SORCS2: variants seen among roughly 807,000 people sequenced by gnomAD.
SORCS2 encodes the protein sortilin related VPS10 domain containing receptor 2, also known as VPS10 domain-containing receptor SorCS2.
SORCS2 carries 100 observed loss-of-function variants against 141.6 expected under a neutral mutation model. The ratio of observed to expected loss-of-function variants is 0.71; its 90% confidence interval spans 0.60 to 0.83. The LOEUF (loss-of-function observed/expected upper bound fraction) is 0.83, where lower values mean the gene tolerates loss of function less well. SORCS2 is among the 40% of genes least tolerant of loss of function. SORCS2 has a pLI of 0.00. For missense variants in SORCS2, 1,646 were observed against 1,560.2 expected (o/e 1.05, Z -0.93); for synonymous variants, 789 against 676.9 (o/e 1.17, Z -2.57).
intron 2 of SORCS2, among the ~76,000 whole-genome samples, chr4:7,510,080 T>C (rs371602450): frequency 4.3e-4 from 66 of 152,384 alleles, no homozygotes; most frequent in African/African-American, 1.5e-3. Flanking sequence ...ATTTGCCTCG[T>C]TAGAATGGAC....
Position 7,619,423 on chromosome 4 carries a change from C to T in SORCS2, c.649-18905C>T, listed in dbSNP as rs530312561. Among the ~76,000 whole-genome samples the T allele has an allele frequency of 1.0e-3, 152 of 152,308 alleles. 1 individual carries two copies. In the Middle Eastern group the frequency reaches 0.02, roughly 20 times the overall value. ...GGAGCGTGGCTTCCCCAGACATTTC[C>T]CTTAAAACAGTCCGGAAGCTTCTGG... is the stretch of plus-strand genomic sequence containing the variant. On this transcript the variant is annotated intron_variant, in intron 3 of 26. Transcript: ENST00000507866.
At chr4:7,304,975 A>G (rs1377353083) in intron 1 of SORCS2, among the ~76,000 whole-genome samples, 3 of 151,410 alleles carry the variant, frequency 2.0e-5, no homozygotes, top group Admixed American at 2.0e-4. Flanking sequence ...GCGGGGTGAC[A>G]CCACCCTTGC....
At position 7,737,073 on chromosome 4, in the gene SORCS2, C is replaced by T. The variant is rs556110209; in HGVS notation, c.3316C>T (p.Arg1106Trp). 116 of 1,551,140 alleles carry T rather than the reference C, an allele frequency of 7.5e-5. No homozygotes were observed. Among genetic ancestry groups the T allele is most frequent in the Non-Finnish European group, 9.0e-5 (103 of 1,146,882 alleles). ...AFILYKFKRK[R>W]PGRTVYAQMH... ...GCCCTTGCCTCTGTCCAGCAGGAAA[C>T]GGCCAGGCAGGACCGTGTACGCCCA... Residue 1106 changes from arginine to tryptophan, a missense_variant, in exon 26 of 27, where the codon CGG becomes TGG. Physicochemically the swap from Arg to Trp is moderately radical, Grantham distance 101. Transcript: ENST00000507866.
At chr4:7,481,987 CACT>C (rs1475440267) in intron 2 of SORCS2, among the ~76,000 whole-genome samples, 52 of 110,786 alleles carry the variant, frequency 4.7e-4, no homozygotes, top group East Asian at 1.2e-3. Context: ...CCTGTATCCC[CACT>C]GCGGACACCC....
intron 3 of SORCS2, among the ~76,000 whole-genome samples, chr4:7,605,517 G>T (rs979487889): frequency 2.6e-5 from 4 of 152,080 alleles, no homozygotes; most frequent in African/African-American, 9.7e-5. Context: ...TTGGGGTTTT[G>T]GTCTCCAAAG....
At chr4:7,571,811 A>G (rs1295100390) in intron 3 of SORCS2, among the ~76,000 whole-genome samples, 1 of 152,228 alleles carries the variant, frequency 6.6e-6, no homozygotes, top group Non-Finnish European at 1.5e-5. Flanking sequence ...GATTATCATC[A>G]GCGATGAAAA....
At chr4:7,280,699 T>A (rs1715819358) in intron 1 of SORCS2, among the ~76,000 whole-genome samples, 1 of 152,230 alleles carries the variant, frequency 6.6e-6, no homozygotes, top group Admixed American at 6.5e-5. Flanking sequence ...TTGCTCCGCA[T>A]CCTCGCCAGC....
intron 1 of SORCS2, among the ~76,000 whole-genome samples, chr4:7,265,921 G>A (rs968675827): frequency 3.3e-5 from 5 of 152,074 alleles, no homozygotes; most frequent in African/African-American, 1.2e-4. Context: ...CAGGACCAGG[G>A]CTCAGGCTGA....
At chr4:7,433,906 C>T in intron 2 of SORCS2, 1 of 1,613,854 alleles carries the variant, frequency 6.2e-7, no homozygotes, top group Non-Finnish European at 8.5e-7. Context: ...CATTACCGAG[C>T]ACACGCGCTC....
chr4:7,452,992 G>T (rs1358749185), intron 2 of SORCS2, among the ~76,000 whole-genome samples: 1 of 113,288 alleles, frequency 8.8e-6, no homozygotes, highest in Non-Finnish European at 2.0e-5. Context: ...GTCAGGCTCC[G>T]TGTTGGGGTC....
chr4:7,680,204 C>T lies in SORCS2; in HGVS notation c.1342-2539C>T, dbSNP rs182674757. On this transcript the variant is annotated intron_variant, in intron 9 of 26. Coordinates refer to ENST00000507866, the MANE Select transcript of SORCS2 (RefSeq NM_020777.3). ...CCATTTGCTGGGTGTGCGGCTTGTCCGAAGTCTAGCACAGAGGGACCTGTC... is the reference window on the plus strand; with the variant it reads ...CCATTTGCTGGGTGTGCGGCTTGTCTGAAGTCTAGCACAGAGGGACCTGTC... Among the ~76,000 whole-genome samples, 16 of 152,322 alleles carry T rather than the reference C, an allele frequency of 1.1e-4. No homozygotes were observed. In the East Asian group the frequency reaches 1.5e-3, roughly 15 times the overall value.
chr4:7,243,812 C>T (rs1712881241), intron 1 of SORCS2, among the ~76,000 whole-genome samples: 1 of 152,246 alleles, frequency 6.6e-6, no homozygotes, highest in Non-Finnish European at 1.5e-5. Context: ...CCTGCGAGGG[C>T]AGGCCGGCCT....
intron 8 of SORCS2, 44 bp from the exon 9 acceptor site, chr4:7,676,006 C>G: frequency 6.5e-7 from 1 of 1,547,822 alleles, no homozygotes; most frequent in South Asian, 1.2e-5. Flanking sequence ...CTCGTGCAGC[C>G]CCCAGCCTGG....
intron 1 of SORCS2, among the ~76,000 whole-genome samples, chr4:7,263,720 G>A (rs938239754): frequency 6.6e-6 from 1 of 152,162 alleles, no homozygotes; most frequent in African/African-American, 2.4e-5. Flanking sequence ...TGCTTGGCAG[G>A]CTCCTCCTCC....
intron 3 of SORCS2, among the ~76,000 whole-genome samples, chr4:7,539,066 C>G (rs934468675): frequency 1.3e-5 from 2 of 152,172 alleles, no homozygotes; most frequent in South Asian, 4.1e-4. Flanking sequence ...CAAGTTGTTT[C>G]CCCCAGGCCC....
At chr4:7,435,317 C>A (rs756132386) in intron 2 of SORCS2, among the ~76,000 whole-genome samples, 1 of 152,192 alleles carries the variant, frequency 6.6e-6, no homozygotes, top group Non-Finnish European at 1.5e-5. Flanking sequence ...TCTCTGCCCC[C>A]ATTCTGGGAG....
chr4:7,591,696 C>T (rs1430073564), intron 3 of SORCS2, among the ~76,000 whole-genome samples: 1 of 152,186 alleles, frequency 6.6e-6, no homozygotes, highest in Non-Finnish European at 1.5e-5. Context: ...AAGAAAACCC[C>T]AATCCTTCCC....
chr4:7,597,773 TCTATAAGCAG>T (rs1717381635), intron 3 of SORCS2, among the ~76,000 whole-genome samples: 1 of 151,812 alleles, frequency 6.6e-6, no homozygotes, highest in Non-Finnish European at 1.5e-5. Context: ...GACATTGAGA[TCTATAAGCAG>T]CTCAAAGGTC....
intron 1 of SORCS2, among the ~76,000 whole-genome samples, chr4:7,243,373 A>G (rs1436166442): frequency 6.6e-6 from 1 of 152,124 alleles, no homozygotes; most frequent in South Asian, 2.1e-4. Flanking sequence ...CCCCTGCGTG[A>G]TGGTCTCCAA....
Sources: gnomAD v4.1 joint callset for allele counts (sites outside exome capture counted in the v4.1 genomes callset) on GRCh38, gnomAD v4.1.1 for gene constraint, MANE v1.5 for transcripts, NCBI Gene and HGNC (gene_info 2026-07-23, HGNC 2026-07-21) for gene names.